SIRPG: variants seen among roughly 807,000 people sequenced by gnomAD.
The protein encoded by SIRPG is signal-regulatory protein gamma.
A neutral mutation model predicts 35.7 loss-of-function variants in SIRPG; 38 were observed. The ratio of observed to expected loss-of-function variants is 1.06; its 90% CI spans 0.82 to 1.40. SIRPG has a LOEUF of 1.40. Ranked by LOEUF, SIRPG falls within the 40% of genes most tolerant of loss-of-function variation. The pLI, the probability that SIRPG is intolerant of heterozygous loss-of-function variation, is 0.00. For synonymous variants in SIRPG, 215 were observed against 190.4 expected, an observed-to-expected ratio of 1.13 and a Z score of -1.06; for missense variants, 519 against 483.0, an observed-to-expected ratio of 1.07 and a Z score of -0.70.
At position 1,630,225 on chromosome 20, in the gene SIRPG, C is replaced by G; in HGVS notation, c.1163G>C (p.Ter388SerextTer21). The change falls in exon 5 of 6, where the codon TGA becomes TCA. Residue 388 changes from the stop codon to serine (S), a stop_lost. Coordinates refer to ENST00000303415, the MANE Select transcript of SIRPG (RefSeq NM_018556.4). ...PIYVPWKQKT[*>S] ...GTCCTCCCTTCCTTGTACTTACAGT[C>G]AGGTCTTCTGCTTCCAGGGGACGTA... is the stretch of plus-strand genomic sequence containing the variant. The G allele has an allele frequency of 6.4e-7, 1 of 1,563,076 alleles. No homozygotes were observed. The highest frequency in any genetic ancestry group is 8.7e-7 in the Non-Finnish European group (1 of 1,151,962).
At chr20:1,665,687 G>C in the SIRPG span, among the ~76,000 whole-genome samples, 2 of 152,326 alleles carry the variant, frequency 1.3e-5, no homozygotes, top group South Asian at 4.1e-4. Flanking sequence ...TCTGAAAGGA[G>C]TGACGCCTCC....
chr20:1,661,398 G>T (rs1207346886), upstream of SIRPG, among the ~76,000 whole-genome samples: 6 of 152,220 alleles, frequency 3.9e-5, no homozygotes, highest in Non-Finnish European at 7.3e-5. Flanking sequence ...GTCTCATGCT[G>T]GGATGGGAGA....
chr20:1,671,918 T>C, the SIRPG span, among the ~76,000 whole-genome samples: 2 of 152,212 alleles, frequency 1.3e-5, no homozygotes, highest in Admixed American at 6.5e-5. Flanking sequence ...CACAACCGTC[T>C]GGAGTGGGCA....
chr20:1,668,211 C>CT, the SIRPG span, among the ~76,000 whole-genome samples: 224 of 27,342 alleles, frequency 8.2e-3, 2 homozygotes, highest in African/African-American at 0.02. Context: ...TTCTTTCTTT[C>CT]TTTCTTTCTT....
intron 1 of SIRPG, among the ~76,000 whole-genome samples, chr20:1,653,365 A>G (rs903088545): frequency 2.6e-5 from 4 of 152,346 alleles, no homozygotes; most frequent in Admixed American, 6.5e-5. Flanking sequence ...AAAAGAGGTA[A>G]GGCATTTTCA....
At chr20:1,630,392 C>T (rs2091740755) in intron 4 of SIRPG, 86 bp from the exon 5 acceptor site, 6 of 1,048,450 alleles carry the variant, frequency 5.7e-6, no homozygotes, top group South Asian at 1.5e-5. Context: ...TCTGAGGCTG[C>T]CTGGGCCCAT....
At chr20:1,680,527 T>G in the SIRPG span, among the ~76,000 whole-genome samples, 70 of 152,338 alleles carry the variant, frequency 4.6e-4, no homozygotes, top group Non-Finnish European at 7.1e-4. Context: ...TTGGCATTAT[T>G]ACTGCTAGGT....
At chr20:1,644,128 C>T (rs1316923074) in intron 2 of SIRPG, among the ~76,000 whole-genome samples, 5 of 152,174 alleles carry the variant, frequency 3.3e-5, no homozygotes, top group Non-Finnish European at 7.3e-5. Context: ...TGGGGAAAAA[C>T]CCACTTATCT....
the SIRPG span, among the ~76,000 whole-genome samples, chr20:1,666,126 GA>G: frequency 0.25 from 29,295 of 116,772 alleles, 3,273 homozygotes; most frequent in Admixed American, 0.38. Flanking sequence ...GTTTAAAAAA[GA>G]AAAAAAAAAA....
chr20:1,678,409 G>A, the SIRPG span, among the ~76,000 whole-genome samples: 2 of 152,042 alleles, frequency 1.3e-5, no homozygotes, highest in African/African-American at 4.8e-5. Context: ...GAAATCAAAC[G>A]AGAACTTTAG....
chr20:1,673,940 G>T, the SIRPG span, among the ~76,000 whole-genome samples: 116 of 152,310 alleles, frequency 7.6e-4, no homozygotes, highest in African/African-American at 2.6e-3. Flanking sequence ...GCAGGACTTA[G>T]ACCAGGCTTC....
At chr20:1,671,801 C>T in the SIRPG span, among the ~76,000 whole-genome samples, 3,126 of 152,308 alleles carry the variant, frequency 0.021, 118 homozygotes, top group African/African-American at 0.07. Flanking sequence ...AGGAGCATGT[C>T]CTTAAGGCAC....
chr20:1,631,267 C>T (rs2091747875), intron 4 of SIRPG, among the ~76,000 whole-genome samples: 1 of 152,264 alleles, frequency 6.6e-6, no homozygotes, highest in South Asian at 2.1e-4. Context: ...CGGCAGTTCT[C>T]AGCTGGGTGG....
chr20:1,686,005 C>T, the SIRPG span, among the ~76,000 whole-genome samples: 1 of 152,168 alleles, frequency 6.6e-6, no homozygotes, highest in Non-Finnish European at 1.5e-5. Flanking sequence ...TTCCCAAAAC[C>T]TACTGCTCAA....
intron 4 of SIRPG, among the ~76,000 whole-genome samples, chr20:1,633,193 C>T (rs1018645561): frequency 6.6e-6 from 1 of 151,982 alleles, no homozygotes; most frequent in Admixed American, 6.6e-5. Flanking sequence ...CCGGAACTCA[C>T]CCAATATGAA....
the SIRPG span, among the ~76,000 whole-genome samples, chr20:1,679,140 A>G: frequency 6.6e-6 from 1 of 152,168 alleles, no homozygotes; most frequent in Non-Finnish European, 1.5e-5. Context: ...ACCCACCACC[A>G]CACCCAACTG....
intron 2 of SIRPG, among the ~76,000 whole-genome samples, chr20:1,645,000 C>G (rs2091886735): frequency 6.6e-6 from 1 of 152,206 alleles, no homozygotes; most frequent in African/African-American, 2.4e-5. Flanking sequence ...TTGGCCCTGT[C>G]CTGCGTGACA....
At chr20:1,668,991 T>C in the SIRPG span, among the ~76,000 whole-genome samples, 1 of 152,204 alleles carries the variant, frequency 6.6e-6, no homozygotes, top group Non-Finnish European at 1.5e-5. Context: ...TCTTAGGGCA[T>C]GCAGGAGGAA....
At chr20:1,667,145 C>T in the SIRPG span, among the ~76,000 whole-genome samples, 1,115 of 152,278 alleles carry the variant, frequency 7.3e-3, 20 homozygotes, top group African/African-American at 0.025. Context: ...GATCCCCCTG[C>T]CTTGGCCTCT....
Sources: gnomAD v4.1 joint callset for allele counts (sites outside exome capture counted in the v4.1 genomes callset) on GRCh38, gnomAD v4.1.1 for gene constraint, MANE v1.5 for transcripts, NCBI Gene and HGNC (gene_info 2026-07-23, HGNC 2026-07-21) for gene names.